HYCC2: variants seen among roughly 807,000 people sequenced by gnomAD.
HYCC2 encodes hyccin PI4KA lipid kinase complex subunit 2.
At chr2:201,021,539 T>A in the HYCC2 span, 2 of 154,148 alleles carry the variant, frequency 1.3e-5, no homozygotes, top group Non-Finnish European at 2.9e-5. Flanking sequence ...TGAGCCCTAA[T>A]GAAAATGTCA....
chr2:201,028,137 G>T, the HYCC2 span, among the ~76,000 whole-genome samples: 4,329 of 152,186 alleles, frequency 0.028, 217 homozygotes, highest in African/African-American at 0.099. Context: ...CAAAACCAAT[G>T]TGCAAAAATC....
At chr2:201,046,657 C>CCTG in the HYCC2 span, among the ~76,000 whole-genome samples, 2 of 152,050 alleles carry the variant, frequency 1.3e-5, no homozygotes, top group African/African-American at 4.8e-5. Context: ...CTCCCACAGA[C>CCTG]TTCAGGGCCA....
At chr2:201,046,884 A>G in the HYCC2 span, among the ~76,000 whole-genome samples, 478 of 152,320 alleles carry the variant, frequency 3.1e-3, no homozygotes, top group Non-Finnish European at 5.5e-3. Context: ...TTTCATATAC[A>G]AAGTCTGGCA....
At chr2:200,988,179 A>T in the HYCC2 span, 1 of 1,189,064 alleles carries the variant, frequency 8.4e-7, no homozygotes, top group Non-Finnish European at 1.1e-6. Context: ...AGGGTCTTTT[A>T]ATATCACGTG....
At chr2:201,037,221 A>G in the HYCC2 span, among the ~76,000 whole-genome samples, 1 of 152,192 alleles carries the variant, frequency 6.6e-6, no homozygotes, top group Non-Finnish European at 1.5e-5. Flanking sequence ...ACTACAAACC[A>G]CTGCTCAATG....
At chr2:201,051,782 T>G in the HYCC2 span, among the ~76,000 whole-genome samples, 1 of 152,166 alleles carries the variant, frequency 6.6e-6, no homozygotes, top group African/African-American at 2.4e-5. Context: ...GCATATGTAT[T>G]GCCTAATCTG....
the HYCC2 span, among the ~76,000 whole-genome samples, chr2:201,027,003 C>CA: frequency 1.3e-5 from 2 of 152,044 alleles, no homozygotes; most frequent in Admixed American, 6.6e-5. Flanking sequence ...AAAAACCCTT[C>CA]AAAAAATCCA....
chr2:201,021,829 A>G, the HYCC2 span: 14 of 350,264 alleles, frequency 4.0e-5, no homozygotes, highest in South Asian at 2.2e-4. Context: ...GGATATGCAT[A>G]TACGTACATT....
chr2:201,004,971 C>G, the HYCC2 span, among the ~76,000 whole-genome samples: 1 of 141,048 alleles, frequency 7.1e-6, no homozygotes, highest in South Asian at 2.2e-4. Flanking sequence ...GAGCCGAGAT[C>G]GTGCCACTGC....
At chr2:201,036,781 C>A in the HYCC2 span, among the ~76,000 whole-genome samples, 3 of 152,148 alleles carry the variant, frequency 2.0e-5, no homozygotes, top group Non-Finnish European at 2.9e-5. Context: ...AAACCCACAG[C>A]CAATATCATA....
At chr2:200,979,281 A>ACG in the HYCC2 span, 1 of 152,240 alleles carries the variant, frequency 6.6e-6, no homozygotes, top group African/African-American at 2.4e-5. Context: ...ACACACACAC[A>ACG]CACACACACA....
chr2:201,059,636 C>T, the HYCC2 span, among the ~76,000 whole-genome samples: 2 of 152,152 alleles, frequency 1.3e-5, no homozygotes, highest in Non-Finnish European at 2.9e-5. Context: ...CCAAAGAAGG[C>T]CTCTCCCCTT....
At chr2:201,010,539 T>C in the HYCC2 span, among the ~76,000 whole-genome samples, 1 of 152,182 alleles carries the variant, frequency 6.6e-6, no homozygotes, top group African/African-American at 2.4e-5. Context: ...TACATGATTA[T>C]CAGTGTTCTC....
At chr2:201,063,154 C>G in the HYCC2 span, 7 of 1,610,372 alleles carry the variant, frequency 4.3e-6, no homozygotes, top group South Asian at 7.7e-5. Flanking sequence ...GAGGGTTGAG[C>G]TTTGAAACAA....
the HYCC2 span, chr2:201,022,887 G>C: frequency 1.2e-6 from 2 of 1,613,046 alleles, no homozygotes; most frequent in Non-Finnish European, 1.7e-6. Context: ...GTTTTTTTCC[G>C]GTGTAAAGTT....
At chr2:201,070,638 G>A in the HYCC2 span, among the ~76,000 whole-genome samples, 2 of 151,282 alleles carry the variant, frequency 1.3e-5, no homozygotes, top group African/African-American at 4.9e-5. Context: ...GGCAACAACA[G>A]CGAAACTCCG....
chr2:200,982,023 T>C, the HYCC2 span: 2 of 772,744 alleles, frequency 2.6e-6, no homozygotes, highest in Non-Finnish European at 4.0e-6. Context: ...TTAGGGGAAA[T>C]CTTAATCTAC....
At chr2:200,992,970 T>C in the HYCC2 span, 1 of 1,613,912 alleles carries the variant, frequency 6.2e-7, no homozygotes, top group Non-Finnish European at 8.5e-7. Flanking sequence ...TCCAGTGTTT[T>C]TCATGTTGCC....
At chr2:201,009,651 G>A in the HYCC2 span, among the ~76,000 whole-genome samples, 4 of 151,886 alleles carry the variant, frequency 2.6e-5, no homozygotes, top group African/African-American at 4.8e-5. Context: ...GTAGAGACGC[G>A]GTTTCGCCAT....
Sources: allele counts gnomAD v4.1 joint callset (sites outside exome capture counted in the v4.1 genomes callset), GRCh38; gene constraint gnomAD v4.1.1; transcripts MANE v1.5; gene names NCBI Gene and HGNC (gene_info 2026-07-23, HGNC 2026-07-21).